Variants in RBM19 observed in about 807,000 individuals in gnomAD.
RBM19 encodes probable RNA-binding protein 19.
Under a neutral mutation model 116.8 loss-of-function variants are expected in RBM19, and 94 were observed. The ratio of observed to expected loss-of-function variants is 0.80; its 90% CI spans 0.68 to 0.95. RBM19 has a LOEUF of 0.95. Among genes scored for constraint, RBM19 ranks in the 40% least tolerant of loss-of-function variants. The pLI is 0.00. For synonymous variants in RBM19, 475 were observed against 494.1 expected, an observed-to-expected ratio of 0.96 and a Z score of 0.51; for missense variants, 1,161 against 1,220.7, an observed-to-expected ratio of 0.95 and a Z score of 0.73.
intron 23 of RBM19, among the ~76,000 whole-genome samples, chr12:113,834,316 A>G (rs1271677986): frequency 1.3e-5 from 2 of 152,182 alleles, no homozygotes; most frequent in South Asian, 4.1e-4. Context: ...TGGAGATCTA[A>G]GCACAGGACT....
intron 21 of RBM19, among the ~76,000 whole-genome samples, chr12:113,905,431 C>T (rs368885800): frequency 3.3e-5 from 5 of 152,130 alleles, no homozygotes; most frequent in Non-Finnish European, 5.9e-5. Flanking sequence ...CTGCACCTCA[C>T]GCCATATACA....
intron 18 of RBM19, 95 bp from the exon 19 acceptor site, chr12:113,920,785 T>C: frequency 9.3e-7 from 1 of 1,079,612 alleles, no homozygotes; most frequent in Middle Eastern, 2.7e-4. Flanking sequence ...TGCGCTGTAT[T>C]TCCTCTTCTT....
rs184446540 is a variant in RBM19 at position 113,891,023 on chromosome 12, A to C, written c.2558+23946T>G. Reference sequence around the variant, plus strand: ...TTGCTATGTTGGCCAGGCTGGTCTCAAACTCCTGGCCTTAAGGGATCCTCC... The same window carrying C: ...TTGCTATGTTGGCCAGGCTGGTCTCCAACTCCTGGCCTTAAGGGATCCTCC... On this transcript the variant is annotated intron_variant, in intron 21 of 23. Transcript: ENST00000261741. Among the ~76,000 whole-genome samples, 69 of 151,276 alleles carry C rather than the reference A, an allele frequency of 4.6e-4. 1 individual carries two copies. The highest frequency in any genetic ancestry group is 3.8e-3 in the Admixed American group (58 of 15,192).
At chr12:113,840,108 A>T (rs1365322067) in intron 23 of RBM19, among the ~76,000 whole-genome samples, 1 of 152,272 alleles carries the variant, frequency 6.6e-6, no homozygotes, top group African/African-American at 2.4e-5. Context: ...ATACTGGAAG[A>T]CAAAGTTTCA....
chr12:113,858,749 AG>A (rs779771674), intron 22 of RBM19, 41 bp downstream of exon 22: 1 of 1,580,940 alleles, frequency 6.3e-7, no homozygotes, highest in Non-Finnish European at 8.7e-7. Flanking sequence ...GGTACTGGAA[AG>A]GGGAGGCCTG....
chr12:113,937,868 G>A lies in RBM19; in HGVS notation c.1939-732C>T, dbSNP rs186101505. 2.2e-3 allele frequency among the ~76,000 whole-genome samples: 332 copies of A among 152,200 alleles called. 3 individuals are homozygous for A. Among genetic ancestry groups the A allele is most frequent in the Non-Finnish European group, 3.6e-3 (244 of 68,008 alleles). On this transcript the variant is annotated intron_variant, in intron 15 of 23. Coordinates refer to ENST00000261741, the MANE Select transcript of RBM19 (RefSeq NM_016196.4). ...CTGGGGAGCTGCAGGACAGGGGTGG[G>A]AGTGAGACTTGTCAACAAATGCCCT...
chr12:113,830,315 C>T (rs1367199937), intron 23 of RBM19, among the ~76,000 whole-genome samples: 3 of 152,180 alleles, frequency 2.0e-5, no homozygotes, highest in Non-Finnish European at 4.4e-5. Flanking sequence ...TCCAGAGGTT[C>T]TGATGCAAAT....
chr12:113,908,854 G>A (rs1270340582), intron 21 of RBM19, among the ~76,000 whole-genome samples: 1 of 152,186 alleles, frequency 6.6e-6, no homozygotes, highest in African/African-American at 2.4e-5. Context: ...TCACATAGTG[G>A]GTATGCACTC....
At chr12:113,904,519 G>A (rs1354518603) in intron 21 of RBM19, among the ~76,000 whole-genome samples, 2 of 152,264 alleles carry the variant, frequency 1.3e-5, no homozygotes, top group East Asian at 1.9e-4. Context: ...TTCAGGCCCC[G>A]GCAGGCCCTT....
At position 113,955,512 on chromosome 12, in the gene RBM19, G is replaced by T. The variant is rs554552459; in HGVS notation, c.841-301C>A. Among the ~76,000 whole-genome samples, 3 of 145,454 alleles carry T rather than the reference G, an allele frequency of 2.1e-5. No homozygotes were observed. The East Asian group carries it at 6.0e-4, about 29-fold the overall frequency. ...CAGGGTGGGAATGTGAAGGAGCCCTGAAGAACGGGGTGTCAGTACCACTAT... is the reference window on the plus strand; with the variant it reads ...CAGGGTGGGAATGTGAAGGAGCCCTTAAGAACGGGGTGTCAGTACCACTAT... On this transcript the variant is annotated intron_variant, in intron 6 of 23. Transcript: ENST00000261741.
intron 6 of RBM19, among the ~76,000 whole-genome samples, chr12:113,956,643 G>C (rs1871973427): frequency 6.6e-6 from 1 of 151,194 alleles, no homozygotes. Flanking sequence ...CACAGAGAAA[G>C]GAGGGAACAG....
At chr12:113,959,517 C>G in intron 4 of RBM19, 113 bp from the exon 5 acceptor site, 1 of 1,234,724 alleles carries the variant, frequency 8.1e-7, no homozygotes, top group Middle Eastern at 2.4e-4. Context: ...GAGAAGATCC[C>G]TCAAGCTAAT....
downstream of RBM19, among the ~76,000 whole-genome samples, chr12:113,820,366 G>T (rs990926266): frequency 2.4e-4 from 37 of 152,036 alleles, no homozygotes; most frequent in African/African-American, 8.5e-4. Context: ...ATAAAAAGGC[G>T]CCACGCAGGA....
chr12:113,900,818 A>G (rs1012906502), intron 21 of RBM19, among the ~76,000 whole-genome samples: 6 of 152,230 alleles, frequency 3.9e-5, no homozygotes, highest in Non-Finnish European at 7.3e-5. Context: ...ACATATTGGT[A>G]GGATGATCAA....
intron 7 of RBM19, among the ~76,000 whole-genome samples, chr12:113,954,470 G>A (rs1871738993): frequency 1.3e-5 from 2 of 152,176 alleles, no homozygotes; most frequent in African/African-American, 4.8e-5. Flanking sequence ...GGAGTCGTTA[G>A]ACCTGCGGTA....
rs140065958 is a variant in RBM19 at position 113,849,361 on chromosome 12, G to A, written c.2665-4573C>T. On this transcript the variant is annotated intron_variant, in intron 22 of 23. Transcript: ENST00000261741. ...CCTTCACTGGGTGTCTTGAGAACAC[G>A]TCTCCAGACTGGGGTAGATGGTTAG... is the stretch of plus-strand genomic sequence containing the variant. Among the ~76,000 whole-genome samples the A allele has an allele frequency of 3.0e-3, 460 of 152,366 alleles. 5 individuals are homozygous for A. The highest frequency in any genetic ancestry group is 0.01 in the African/African-American group (428 of 41,592).
chr12:113,906,296 AC>A (rs990743200), intron 21 of RBM19, among the ~76,000 whole-genome samples: 5 of 152,278 alleles, frequency 3.3e-5, no homozygotes, highest in Non-Finnish European at 5.9e-5. Context: ...TGAATGGATT[AC>A]AACTGCAACA....
At position 113,836,454 on chromosome 12, in the gene RBM19, C is replaced by T. The variant is rs532367583; in HGVS notation, c.2785+8214G>A. 2.6e-5 allele frequency among the ~76,000 whole-genome samples: 4 copies of T among 152,186 alleles called. No homozygotes were observed. The East Asian group carries it at 7.7e-4, about 29-fold the overall frequency. ...TTGCAAGGAAAAATATAATGCCCTG[C>T]CATTATACAGGGACAATGGATAAAA... On this transcript the variant is annotated intron_variant, in intron 23 of 23. Coordinates refer to ENST00000261741, the MANE Select transcript of RBM19 (RefSeq NM_016196.4).
At chr12:113,916,205 A>C (rs1380611549) in intron 20 of RBM19, among the ~76,000 whole-genome samples, 1 of 152,148 alleles carries the variant, frequency 6.6e-6, no homozygotes, top group Non-Finnish European at 1.5e-5. Context: ...TCAGGAGTTC[A>C]AGACCAGCCT....
Sources: gnomAD v4.1 joint callset for allele counts (sites outside exome capture counted in the v4.1 genomes callset) on GRCh38, gnomAD v4.1.1 for gene constraint, MANE v1.5 for transcripts, NCBI Gene and HGNC (gene_info 2026-07-23, HGNC 2026-07-21) for gene names.